RABGAP1L: variants seen among roughly 807,000 people sequenced by gnomAD.
RABGAP1L encodes rab GTPase-activating protein 1-like.
RABGAP1L carries 63 observed loss-of-function variants against 137.7 expected under a neutral mutation model. That is an observed-to-expected ratio of 0.46 (90% confidence interval 0.37 to 0.56). The LOEUF (loss-of-function observed/expected upper bound fraction) is 0.56. Among genes scored for constraint, RABGAP1L ranks in the 20% least tolerant of loss-of-function variants. The probability of loss-of-function intolerance (pLI) is 0.00; values close to 1 mark genes in which losing one functional copy is unlikely to be tolerated. For missense variants in RABGAP1L, 1,095 were observed against 1,244.0 expected (o/e 0.88, Z 1.80); for synonymous variants, 431 against 433.7 (o/e 0.99, Z 0.08).
intron 13 of RABGAP1L, among the ~76,000 whole-genome samples, chr1:174,537,346 A>AT: frequency 6.6e-6 from 1 of 152,320 alleles, no homozygotes; most frequent in East Asian, 1.9e-4. Context: ...TATGCTGCGT[A>AT]TAAAGGAACA....
chr1:174,622,868 A>G (rs1672640045), intron 13 of RABGAP1L, among the ~76,000 whole-genome samples: 1 of 152,172 alleles, frequency 6.6e-6, no homozygotes, highest in Non-Finnish European at 1.5e-5. Context: ...AAAAATACCG[A>G]AATTTTTGTA....
intron 1 of RABGAP1L, among the ~76,000 whole-genome samples, chr1:174,182,754 G>T (rs1251050953): frequency 6.6e-6 from 1 of 151,254 alleles, no homozygotes; most frequent in East Asian, 1.9e-4. Flanking sequence ...ACTTCCCCCC[G>T]TAAACAGCTC....
chr1:174,576,038 T>C (rs916740760), intron 13 of RABGAP1L, among the ~76,000 whole-genome samples: 8 of 152,302 alleles, frequency 5.3e-5, no homozygotes, highest in Non-Finnish European at 2.9e-5. Flanking sequence ...TACAGTATAG[T>C]GTGTGCATCA....
chr1:174,736,689 C>CT (rs1682972855), intron 17 of RABGAP1L, among the ~76,000 whole-genome samples: 2 of 152,238 alleles, frequency 1.3e-5, no homozygotes, highest in South Asian at 4.1e-4. Flanking sequence ...GGCACTGAGG[C>CT]TTTTTCATAC....
chr1:174,809,944 A>G (rs962432837), intron 18 of RABGAP1L, among the ~76,000 whole-genome samples: 4 of 152,218 alleles, frequency 2.6e-5, no homozygotes, highest in Non-Finnish European at 5.9e-5. Flanking sequence ...AGCATTCTCC[A>G]CCACTTGTTG....
intron 13 of RABGAP1L, among the ~76,000 whole-genome samples, chr1:174,451,775 T>TA (rs1213077110): frequency 6.6e-6 from 1 of 152,224 alleles, no homozygotes; most frequent in Admixed American, 6.5e-5. Flanking sequence ...TCTTTGATCT[T>TA]AAAAGTTTCT....
chr1:174,782,513 C>T lies in RABGAP1L; in HGVS notation c.2212-29319C>T, dbSNP rs115362337. Among the ~76,000 whole-genome samples, 536 of 152,292 alleles carry T rather than the reference C, an allele frequency of 3.5e-3. 5 individuals are homozygous for T. Among genetic ancestry groups the T allele is most frequent in the Non-Finnish European group, 5.7e-3 (390 of 68,028 alleles). ...GATATACAGTCATGTCATCTGCAAA[C>T]AGGGACCTGCTTTACTTAAATGCTG... is the stretch of plus-strand genomic sequence containing the variant. On this transcript the variant is annotated intron_variant, in intron 18 of 25. Coordinates refer to ENST00000681986, the MANE Select transcript of RABGAP1L (RefSeq NM_001366446.1).
rs750905912 is a variant in RABGAP1L, at chr1:174,221,097, T to C, written c.264T>C (p.Phe88=). 1.2e-6 allele frequency: 2 copies of C among 1,613,916 alleles called. No individual in the cohort carries two copies. The highest frequency in any genetic ancestry group is 1.1e-5 in the South Asian group (1 of 91,058). The change falls in exon 3 of 26, where the codon TTT becomes TTC. Residue 88 remains phenylalanine, a synonymous_variant. Transcript: ENST00000681986. ...QSSSEISDHS[F]GDIPASQTNK... ...CCAGTGAGATTTCAGACCATTCGTT[T>C]GGAGATATTCCAGCCAGCCAAACAA...
intron 13 of RABGAP1L, among the ~76,000 whole-genome samples, chr1:174,554,376 G>A (rs1007794646): frequency 6.6e-6 from 1 of 152,156 alleles, no homozygotes. Context: ...TTCTGGCAAT[G>A]TGTTCATAAT....
chr1:174,842,164 A>G (rs1173879428), intron 19 of RABGAP1L, among the ~76,000 whole-genome samples: 1 of 152,176 alleles, frequency 6.6e-6, no homozygotes, highest in Non-Finnish European at 1.5e-5. Flanking sequence ...CAAATTTTCC[A>G]CTTAGTCCAT....
intron 13 of RABGAP1L, among the ~76,000 whole-genome samples, chr1:174,526,168 G>A (rs1454751324): frequency 6.6e-6 from 1 of 152,024 alleles, no homozygotes; most frequent in Non-Finnish European, 1.5e-5. Context: ...CATATTCTGG[G>A]TATTAGTCCT....
chr1:174,463,552 C>G (rs1286628735), intron 13 of RABGAP1L, among the ~76,000 whole-genome samples: 5 of 151,904 alleles, frequency 3.3e-5, no homozygotes, highest in African/African-American at 9.7e-5. Flanking sequence ...AGGAGATATA[C>G]CTAATGCTAA....
chr1:174,303,028 T>TG (rs1435313891), intron 10 of RABGAP1L, among the ~76,000 whole-genome samples: 2 of 144,718 alleles, frequency 1.4e-5, no homozygotes, highest in Admixed American at 1.4e-4. Context: ...AAATATCTGT[T>TG]GGGGGCATTT....
chr1:174,609,146 T>C (rs543228692), intron 13 of RABGAP1L, among the ~76,000 whole-genome samples: 1 of 152,190 alleles, frequency 6.6e-6, no homozygotes, highest in South Asian at 2.1e-4. Flanking sequence ...CTTAAAACTT[T>C]GGAAAAATGA....
At chr1:174,442,279 AT>A (rs1423778390) in intron 13 of RABGAP1L, among the ~76,000 whole-genome samples, 13 of 152,060 alleles carry the variant, frequency 8.5e-5, no homozygotes, top group African/African-American at 3.1e-4. Flanking sequence ...TTTTAATACT[AT>A]TATCTCTGAA....
In RABGAP1L at chr1:174,961,230, G is replaced by C. The variant is rs531053522; in HGVS notation, c.2433+3681G>C. Among the ~76,000 whole-genome samples, 7 of 152,310 alleles carry C rather than the reference G, an allele frequency of 4.6e-5. No individual in the cohort carries two copies. The South Asian group carries it at 1.0e-3, about 23-fold the overall frequency. The stretch of plus-strand genomic sequence containing the variant: ...TCTAATGAAGTGAAATTAGGATAAA[G>C]ATTTGACTGTAGAATAAGCATGTTT... On this transcript the variant is annotated intron_variant, in intron 20 of 25. Transcript: ENST00000681986.
intron 13 of RABGAP1L, among the ~76,000 whole-genome samples, chr1:174,468,116 C>G (rs904456620): frequency 6.6e-6 from 1 of 152,032 alleles, no homozygotes; most frequent in African/African-American, 2.4e-5. Flanking sequence ...TATTTTGAGA[C>G]TTAAGATAAA....
intron 13 of RABGAP1L, among the ~76,000 whole-genome samples, chr1:174,573,137 T>G (rs1378189623): frequency 6.6e-6 from 1 of 152,122 alleles, no homozygotes; most frequent in Admixed American, 6.6e-5. Flanking sequence ...GTATACACTA[T>G]TTATGTGTGT....
intron 18 of RABGAP1L, among the ~76,000 whole-genome samples, chr1:174,777,118 G>A (rs115295593): frequency 0.022 from 3,392 of 152,170 alleles, 56 homozygotes; most frequent in Middle Eastern, 0.085. Context: ...CATATTTGAC[G>A]TTTTAAGTTT....
Sources: gnomAD v4.1 joint callset for allele counts (sites outside exome capture counted in the v4.1 genomes callset) on GRCh38, gnomAD v4.1.1 for gene constraint, MANE v1.5 for transcripts, NCBI Gene and HGNC (gene_info 2026-07-23, HGNC 2026-07-21) for gene names.